NAV3: variants seen among roughly 807,000 people sequenced by gnomAD.
The protein encoded by NAV3 is pore membrane and/or filament interacting like protein 1.
NAV3 carries 87 observed loss-of-function variants against 244.7 expected under a neutral mutation model. The ratio of observed to expected loss-of-function variants is 0.36; its 90% CI spans 0.30 to 0.42. NAV3 has a LOEUF of 0.42. Among genes scored for constraint, NAV3 ranks in the 20% least tolerant of loss-of-function variants. NAV3 has a pLI of 1.00. For missense variants in NAV3, 2,663 were observed against 2,893.3 expected, an observed-to-expected ratio of 0.92 and a Z score of 1.83; for synonymous variants, 1,126 against 1,042.2, an observed-to-expected ratio of 1.08 and a Z score of -1.55.
intron 15 of NAV3, 59 bp downstream of exon 15, chr12:78,120,004 T>C: frequency 7.9e-7 from 1 of 1,272,420 alleles, no homozygotes; most frequent in Non-Finnish European, 1.1e-6. Flanking sequence ...GTTAGACACA[T>C]ACATTACATA....
intron 1 of NAV3, among the ~76,000 whole-genome samples, chr12:77,833,711 GA>G (rs1400041665): frequency 6.6e-6 from 1 of 152,184 alleles, no homozygotes; most frequent in Non-Finnish European, 1.5e-5. Context: ...CTTGGTTCCG[GA>G]AAAATCGAGT....
At chr12:78,032,924 A>G (rs979976104) in intron 9 of NAV3, among the ~76,000 whole-genome samples, 2 of 151,914 alleles carry the variant, frequency 1.3e-5, no homozygotes, top group South Asian at 4.1e-4. Flanking sequence ...TTTTTTTTGC[A>G]TAAGACTATC....
intron 2 of NAV3, among the ~76,000 whole-genome samples, chr12:77,624,722 A>T (rs1033129110): frequency 1.1e-4 from 16 of 152,216 alleles, no homozygotes; most frequent in African/African-American, 3.6e-4. Context: ...TGTTCATTTG[A>T]GAAAGTAACA....
chr12:77,807,614 T>C (rs1405406773), intron 2 of NAV3, among the ~76,000 whole-genome samples: 2 of 152,212 alleles, frequency 1.3e-5, no homozygotes, highest in African/African-American at 4.8e-5. Flanking sequence ...TAATATTTTT[T>C]TCCTCTATTT....
At chr12:77,669,614 T>C (rs1234314658) in intron 2 of NAV3, among the ~76,000 whole-genome samples, 1 of 152,130 alleles carries the variant, frequency 6.6e-6, no homozygotes, top group African/African-American at 2.4e-5. Context: ...AGAGGGATGT[T>C]TTATAATGAT....
intron 9 of NAV3, among the ~76,000 whole-genome samples, chr12:78,027,826 GT>G (rs1475973115): frequency 2.0e-5 from 3 of 151,732 alleles, no homozygotes; most frequent in African/African-American, 7.3e-5. Flanking sequence ...TTTTTGTTTT[GT>G]TTTTGTTTTT....
intron 9 of NAV3, among the ~76,000 whole-genome samples, chr12:78,043,584 C>G (rs1052966111): frequency 6.6e-6 from 1 of 152,182 alleles, no homozygotes; most frequent in Non-Finnish European, 1.5e-5. Context: ...CACAACCTCT[C>G]TAGCATCTGT....
chr12:77,986,877 A>G (rs1870607762), intron 5 of NAV3, among the ~76,000 whole-genome samples: 1 of 152,160 alleles, frequency 6.6e-6, no homozygotes. Flanking sequence ...AGTAGAAAAA[A>G]AATGTTCCAT....
chr12:77,929,702 G>A (rs191921014), intron 1 of NAV3, among the ~76,000 whole-genome samples: 161 of 151,162 alleles, frequency 1.1e-3, no homozygotes, highest in African/African-American at 3.6e-3. Flanking sequence ...GCATGATCTC[G>A]GCTCATTGCA....
chr12:77,789,816 GAAAA>G (rs57070028), intron 2 of NAV3, among the ~76,000 whole-genome samples: 22 of 75,670 alleles, frequency 2.9e-4, no homozygotes, highest in Middle Eastern at 7.0e-3. Context: ...GTCTCGAAAA[GAAAA>G]AAAAAAAAAA....
chr12:77,594,081 A>G (rs1870052474), intron 2 of NAV3, among the ~76,000 whole-genome samples: 1 of 152,198 alleles, frequency 6.6e-6, no homozygotes, highest in South Asian at 2.1e-4. Context: ...TGAAAATCTA[A>G]GTCCTCATGC....
chr12:77,655,072 G>A (rs145017526), intron 2 of NAV3, among the ~76,000 whole-genome samples: 10 of 152,280 alleles, frequency 6.6e-5, no homozygotes, highest in South Asian at 2.1e-4. Flanking sequence ...CCAAAGGATC[G>A]CACTTCCTCA....
chr12:78,155,092 T>C (rs1359211494), intron 22 of NAV3, among the ~76,000 whole-genome samples: 4 of 152,064 alleles, frequency 2.6e-5, no homozygotes, highest in Admixed American at 6.6e-5. Flanking sequence ...ACATATGCCA[T>C]AGTGATTTGC....
At chr12:78,067,343 T>C (rs1408486957) in intron 12 of NAV3, among the ~76,000 whole-genome samples, 1 of 152,092 alleles carries the variant, frequency 6.6e-6, no homozygotes, top group Non-Finnish European at 1.5e-5. Context: ...TATAATCAGA[T>C]GGCCTGCCTT....
intron 2 of NAV3, among the ~76,000 whole-genome samples, chr12:77,679,866 ACTG>A (rs1374129169): frequency 6.6e-6 from 1 of 152,176 alleles, no homozygotes; most frequent in Non-Finnish European, 1.5e-5. Context: ...CTCAGAGGCA[ACTG>A]CTGACTTTAG....
intron 34 of NAV3, among the ~76,000 whole-genome samples, chr12:78,195,194 A>ACTT (rs1407331965): frequency 6.6e-6 from 1 of 151,964 alleles, no homozygotes; most frequent in African/African-American, 2.4e-5. Context: ...ATAAAATGCA[A>ACTT]CTTCTTCTGC....
intron 1 of NAV3, among the ~76,000 whole-genome samples, chr12:77,915,017 G>A (rs1886985741): frequency 6.6e-6 from 1 of 151,882 alleles, no homozygotes; most frequent in Non-Finnish European, 1.5e-5. Flanking sequence ...TAAGTGATAT[G>A]TTGCATCTTT....
chr12:77,967,900 G>T (rs1236881763), intron 4 of NAV3, among the ~76,000 whole-genome samples: 1 of 151,996 alleles, frequency 6.6e-6, no homozygotes, highest in Non-Finnish European at 1.5e-5. Flanking sequence ...ATTAAAAATT[G>T]ATATGTCTGC....
At chr12:77,858,039 C>G (rs973150067) in intron 1 of NAV3, among the ~76,000 whole-genome samples, 1 of 152,012 alleles carries the variant, frequency 6.6e-6, no homozygotes, top group Admixed American at 6.6e-5. Context: ...AGACAAAATA[C>G]AATCCATATT....
Sources: allele counts gnomAD v4.1 joint callset (sites outside exome capture counted in the v4.1 genomes callset), GRCh38; gene constraint gnomAD v4.1.1; transcripts MANE v1.5; gene names NCBI Gene and HGNC (gene_info 2026-07-23, HGNC 2026-07-21).